DMD: variants seen among roughly 807,000 people sequenced by gnomAD.
DMD encodes the protein mutant dystrophin.
In DMD, 63 loss-of-function variants were observed where a neutral mutation model predicts 330.1. The observed-to-expected ratio is 0.19, with a 90% CI of 0.16 to 0.24. DMD has a LOEUF of 0.24. Ranked by LOEUF, DMD falls within the 10% of genes least tolerant of loss-of-function variation. The pLI, the probability that DMD is intolerant of heterozygous loss-of-function variation, is 1.00. For missense variants in DMD, 3,344 were observed against 2,684.1 expected (o/e 1.25, Z -5.43); for synonymous variants, 1,223 against 959.8 (o/e 1.27, Z -5.07).
intron 2 of DMD, among the ~76,000 whole-genome samples, chrX:32,872,700 T>C (rs750218162): frequency 8.9e-6 from 1 of 112,162 alleles, no homozygotes; most frequent in African/African-American, 3.2e-5. Context: ...AGGCACAAGA[T>C]GCACAAAGGG....
rs1157942387 is a variant in DMD at position 33,284,558 on chromosome X, T to C, written c.7+54701A>G. Among the ~76,000 whole-genome samples, 8 of 107,391 alleles carry C rather than the reference T, an allele frequency of 7.4e-5. No homozygotes were observed. In the East Asian group the frequency reaches 2.1e-3, roughly 28 times the overall value. 93.3% of individuals were successfully genotyped at this position (107,391 alleles called of 115,157 possible). A position where few individuals can be genotyped will look rare whatever the true frequency, so the allele number is the denominator to read the frequency against. ...CTTTTTATCATGGCTTACACAAACC[T>C]TCATAATGTTGCTGCAATATATTTA... On this transcript the variant is annotated intron_variant, in intron 1 of 17. Transcript: ENST00000288447.
chrX:32,811,900 A>G (rs2077394525), intron 6 of DMD, among the ~76,000 whole-genome samples: 1 of 112,284 alleles, frequency 8.9e-6, no homozygotes, highest in Non-Finnish European at 1.9e-5. Flanking sequence ...TTAGAGAATT[A>G]AAGTTCTTAG....
chrX:32,853,837 G>A lies in DMD; in HGVS notation c.94-4017C>T, dbSNP rs1267903695. 1.9e-4 allele frequency among the ~76,000 whole-genome samples: 18 copies of A among 95,423 alleles called. No individual in the cohort carries two copies. The South Asian group carries it at 2.4e-3, about 13-fold the overall frequency. The allele number at this position is 95,423 out of a possible 115,157, so 82.9% of individuals were successfully genotyped here. A position where few individuals can be genotyped will look rare whatever the true frequency, so the allele number is the denominator to read the frequency against. On this transcript the variant is annotated intron_variant, in intron 2 of 78. Coordinates refer to ENST00000357033, the MANE Select transcript of DMD (RefSeq NM_004006.3). ...CCAAGACTCAATCTGTTGCCTACAAGAAACACGCTTCACCTACAAAGCCAG... is the reference window on the plus strand; with the variant it reads ...CCAAGACTCAATCTGTTGCCTACAAAAAACACGCTTCACCTACAAAGCCAG...
At position 33,057,118 on chromosome X, in the gene DMD, A is replaced by T. The variant is rs1478913577; in HGVS notation, c.32-36918T>A. 5.4e-5 allele frequency among the ~76,000 whole-genome samples: 6 copies of T among 111,970 alleles called. No individual in the cohort carries two copies. The Admixed American group carries it at 5.7e-4, about 11-fold the overall frequency. ...TAACAATAGTATTCTGGGAAATTCC[A>T]TATATACATAATATAAGCCATGGCT... On this transcript the variant is annotated intron_variant, in intron 1 of 78. Coordinates refer to ENST00000357033, the MANE Select transcript of DMD (RefSeq NM_004006.3).
chrX:32,238,894 G>T (rs1325169097), intron 43 of DMD, among the ~76,000 whole-genome samples: 2 of 111,267 alleles, frequency 1.8e-5, no homozygotes, highest in Admixed American at 1.9e-4. Flanking sequence ...TTTAAACCTG[G>T]ACACTCATTT....
At chrX:33,305,246 G>A (rs1157933992) in intron 1 of DMD, among the ~76,000 whole-genome samples, 3 of 106,604 alleles carry the variant, frequency 2.8e-5, no homozygotes, top group Non-Finnish European at 5.8e-5. Flanking sequence ...CATAAAAAAT[G>A]ATGAGTTCAT....
intron 67 of DMD, among the ~76,000 whole-genome samples, chrX:31,196,367 C>G (rs1467625307): frequency 9.0e-6 from 1 of 110,884 alleles, no homozygotes; most frequent in Non-Finnish European, 1.9e-5. Flanking sequence ...GTAACTCTTA[C>G]TAATTACTTA....
At chrX:31,755,709 A>T (rs2089011175) in intron 51 of DMD, among the ~76,000 whole-genome samples, 2 of 111,830 alleles carry the variant, frequency 1.8e-5, no homozygotes, top group South Asian at 7.3e-4. Flanking sequence ...TTATTCTTGG[A>T]GTATATTATT....
chrX:31,222,428 G>T (rs59639681), intron 64 of DMD, among the ~76,000 whole-genome samples: 7,422 of 67,137 alleles, frequency 0.11, 225 homozygotes, highest in Middle Eastern at 0.15. Context: ...CAGAAAAAAA[G>T]AAAAAGAAAC....
intron 44 of DMD, among the ~76,000 whole-genome samples, chrX:32,146,409 A>C (rs908526199): frequency 9.0e-6 from 1 of 111,401 alleles, no homozygotes; most frequent in Non-Finnish European, 1.9e-5. Flanking sequence ...GGATGGGTAG[A>C]TGAATAAGTG....
intron 44 of DMD, among the ~76,000 whole-genome samples, chrX:32,050,955 T>C (rs1200191909): frequency 2.8e-5 from 3 of 106,375 alleles, no homozygotes; most frequent in Non-Finnish European, 5.8e-5. Flanking sequence ...TCATTTACAT[T>C]GCCTCAGGCT....
chrX:31,958,545 T>A (rs1014424829), intron 45 of DMD, among the ~76,000 whole-genome samples: 2 of 111,692 alleles, frequency 1.8e-5, no homozygotes, highest in South Asian at 7.6e-4. Flanking sequence ...CCCATAAAGA[T>A]CACCCATATC....
chrX:32,930,273 C>A (rs755148623), intron 2 of DMD, among the ~76,000 whole-genome samples: 3 of 110,967 alleles, frequency 2.7e-5, no homozygotes, highest in Admixed American at 1.9e-4. Flanking sequence ...GTATCACTTT[C>A]GCACCATCCT....
At chrX:31,463,045 C>T (rs2066631754) in intron 59 of DMD, among the ~76,000 whole-genome samples, 1 of 111,774 alleles carries the variant, frequency 8.9e-6, no homozygotes, top group Non-Finnish European at 1.9e-5. Flanking sequence ...ATGATGAATC[C>T]ATTATGGAAA....
chrX:32,779,250 TA>T (rs1316529782), intron 7 of DMD, among the ~76,000 whole-genome samples: 1 of 105,368 alleles, frequency 9.5e-6, no homozygotes. Context: ...TTATTGATTT[TA>T]CTGCACACAC....
At chrX:32,866,540 CA>C (rs2082494097) in intron 2 of DMD, among the ~76,000 whole-genome samples, 1 of 110,582 alleles carries the variant, frequency 9.0e-6, no homozygotes, top group South Asian at 3.8e-4. Flanking sequence ...TGAATATGGG[CA>C]AAAGTCAGTT....
At chrX:31,407,650 T>A (rs2061462157) in intron 60 of DMD, among the ~76,000 whole-genome samples, 1 of 105,272 alleles carries the variant, frequency 9.5e-6, no homozygotes, top group African/African-American at 3.5e-5. Flanking sequence ...TTTTTGTATT[T>A]TTTTTTTTTT....
rs529955612 is a variant in DMD, at chrX:32,435,087, T to G, written c.4071+3154A>C. On this transcript the variant is annotated intron_variant, in intron 29 of 78. Coordinates refer to ENST00000357033, the MANE Select transcript of DMD (RefSeq NM_004006.3). Reference sequence around the variant, plus strand: ...GTGGAGAGCTTCTGATTTTAAGACTTAGAGGGTGATAAAAATCCTTTTTAT... The same window carrying G: ...GTGGAGAGCTTCTGATTTTAAGACTGAGAGGGTGATAAAAATCCTTTTTAT... Among the ~76,000 whole-genome samples the G allele has an allele frequency of 2.2e-4, 24 of 108,332 alleles. No homozygotes were observed. In the South Asian group the frequency reaches 9.4e-3, roughly 43 times the overall value. 94.1% of individuals were successfully genotyped at this position (108,332 alleles called of 115,157 possible). A position where few individuals can be genotyped will look rare whatever the true frequency, so the allele number is the denominator to read the frequency against.
chrX:32,787,247 TGAGAGAGAGA>T (rs1214278194), intron 7 of DMD, among the ~76,000 whole-genome samples: 1 of 77,570 alleles, frequency 1.3e-5, no homozygotes, highest in Non-Finnish European at 2.6e-5. Flanking sequence ...TGTGTGTGTG[TGAGAGAGAGA>T]GAGAGAGAGA....
Sources: allele counts gnomAD v4.1 joint callset (sites outside exome capture counted in the v4.1 genomes callset), GRCh38; gene constraint gnomAD v4.1.1; transcripts MANE v1.5; gene names NCBI Gene and HGNC (gene_info 2026-07-23, HGNC 2026-07-21).